Variants in KMT2C observed in about 807,000 individuals in gnomAD.
The protein encoded by KMT2C is histone-lysine N-methyltransferase 2C.
Under a neutral mutation model 507.9 loss-of-function variants are expected in KMT2C, and 88 were observed. That is an observed-to-expected ratio of 0.17 (90% CI 0.15 to 0.21). The LOEUF (loss-of-function observed/expected upper bound fraction) is 0.21, where lower values mean the gene tolerates loss of function less well. KMT2C is among the 10% of genes least tolerant of loss of function. The pLI, the probability that KMT2C is intolerant of heterozygous loss-of-function variation, is 1.00. For missense variants in KMT2C, 4,954 were observed against 5,957.8 expected, an observed-to-expected ratio of 0.83 and a Z score of 5.55; for synonymous variants, 2,049 against 2,080.8, an observed-to-expected ratio of 0.98 and a Z score of 0.42.
At chr7:152,141,345 G>A (rs1328748629) in intron 55 of KMT2C, among the ~76,000 whole-genome samples, 1 of 151,802 alleles carries the variant, frequency 6.6e-6, no homozygotes, top group Non-Finnish European at 1.5e-5. Flanking sequence ...ATAGATCCCT[G>A]CATGTATGAA....
intron 2 of KMT2C, among the ~76,000 whole-genome samples, chr7:152,356,614 G>A (rs1291386327): frequency 2.6e-5 from 4 of 151,164 alleles, no homozygotes; most frequent in South Asian, 2.1e-4. Context: ...AATCAGGCAC[G>A]GCGCGGTGAC....
At chr7:152,254,551 G>A (rs1175399497) in intron 9 of KMT2C, among the ~76,000 whole-genome samples, 2 of 152,102 alleles carry the variant, frequency 1.3e-5, no homozygotes, top group Non-Finnish European at 2.9e-5. Flanking sequence ...AATAACTCTT[G>A]AGAAAGTAAA....
chr7:152,387,166 A>G (rs1408174340), intron 1 of KMT2C, among the ~76,000 whole-genome samples: 3 of 151,986 alleles, frequency 2.0e-5, no homozygotes, highest in Non-Finnish European at 4.4e-5. Flanking sequence ...ACCCTAATAA[A>G]CAGCCATGTA....
chr7:152,179,835 T>C lies in KMT2C; in HGVS notation c.7441A>G (p.Arg2481Gly), dbSNP rs1166073894. ...TCGGCAGGAAATTAAAAGCATTACC[T>C]AAATCCATGAGGTCTCATCCCCATA... is the stretch of plus-strand genomic sequence containing the variant. ...ASMGMRPHGF[R>G]FGFPGGSHGT... The change falls in exon 37 of 59, where the codon AGA (arginine) becomes GGA (glycine). Residue 2481 changes from arginine to glycine, a missense_variant and splice_region_variant. This residue lies in a region of KMT2C where 1,689 missense variants were observed against 1,654.3 expected (regional missense o/e 1.02). Coordinates refer to ENST00000262189, the MANE Select transcript of KMT2C (RefSeq NM_170606.3). 5.6e-6 allele frequency: 9 copies of C among 1,613,008 alleles called. No individual in the cohort carries two copies. The highest frequency in any genetic ancestry group is 2.2e-5 in the East Asian group (1 of 44,884).
In KMT2C at chr7:152,155,898, A is replaced by T. The variant is rs2129099597; in HGVS notation, c.11960+12T>A. ...ATAACTAAGAATTATTTGAGAAAAA[A>T]ATAACCTGTACCTTAATTCTTCCTG... On this transcript the variant is annotated intron_variant, in intron 46 of 58. Transcript: ENST00000262189. 1 of 1,578,690 alleles carries T rather than the reference A, an allele frequency of 6.3e-7. No individual in the cohort carries two copies. Among genetic ancestry groups the T allele is most frequent in the Non-Finnish European group, 8.5e-7 (1 of 1,171,600 alleles).
Position 152,177,667 on chromosome 7 carries a change from G to C in KMT2C, c.7786C>G (p.Arg2596Gly), listed in dbSNP as rs769916428. 1.2e-6 allele frequency: 2 copies of C among 1,614,100 alleles called. No individual in the cohort carries two copies. The highest frequency in any genetic ancestry group is 1.7e-6 in the Non-Finnish European group (2 of 1,180,018). ...SNLRHGNFIP[R>G]PDFPGPRHTD... ...TGTCTAGGGCCCGGAAAGTCTGGCC[G>C]GGGAATGAAGTTTCCATGTCTCAGA... Residue 2596 changes from arginine (R) to glycine (G), a missense_variant, in exon 38 of 59, where the codon CGG (arginine) becomes GGG (glycine). Arg to Gly is a moderately radical substitution (Grantham distance 125). Transcript: ENST00000262189.
At chr7:152,201,617 G>GGA (rs1491277955) in intron 26 of KMT2C, among the ~76,000 whole-genome samples, 1,081 of 22,886 alleles carry the variant, frequency 0.047, 104 homozygotes, top group African/African-American at 0.085. Flanking sequence ...CAACAAAGAT[G>GGA]AAAAAAAAAA....
chr7:152,408,675 A>G (rs2097648437), intron 1 of KMT2C, among the ~76,000 whole-genome samples: 1 of 152,126 alleles, frequency 6.6e-6, no homozygotes, highest in South Asian at 2.1e-4. Flanking sequence ...ATGCCTGATG[A>G]TCTAAGGTGG....
At chr7:152,249,015 T>C (rs917273035) in intron 13 of KMT2C, among the ~76,000 whole-genome samples, 8 of 152,216 alleles carry the variant, frequency 5.3e-5, no homozygotes, top group Non-Finnish European at 8.8e-5. Flanking sequence ...AAAGTTACTA[T>C]AGACTCAAAA....
At chr7:152,333,711 A>G (rs527475810) in intron 2 of KMT2C, among the ~76,000 whole-genome samples, 26 of 152,336 alleles carry the variant, frequency 1.7e-4, no homozygotes, top group Admixed American at 5.9e-4. Context: ...AACAATTTGT[A>G]TAACTATTCT....
chr7:152,226,560 T>C (rs1011694062), intron 18 of KMT2C, among the ~76,000 whole-genome samples: 5 of 152,188 alleles, frequency 3.3e-5, no homozygotes, highest in Admixed American at 6.5e-5. Flanking sequence ...GTCATTTGAT[T>C]TTTAAACATG....
At position 152,181,066 on chromosome 7, in the gene KMT2C, A is replaced by C. The variant is rs2129119608; in HGVS notation, c.6794T>G (p.Leu2265Trp). ...QNRGPALPGP[L>W]VRPPDTCSQT... ...GGAACATGTATCAGGTGGCCTTACC[A>C]ACGGGCCAGGTAAAGCTGGTCCTCG... The change falls in exon 36 of 59, where the codon TTG becomes TGG. Residue 2265 changes from leucine to tryptophan, a missense_variant. Coordinates refer to ENST00000262189, the MANE Select transcript of KMT2C (RefSeq NM_170606.3). 4 of 1,614,188 alleles carry C rather than the reference A, an allele frequency of 2.5e-6. No individual in the cohort carries two copies. The highest frequency in any genetic ancestry group is 3.4e-6 in the Non-Finnish European group (4 of 1,180,036).
intron 42 of KMT2C, among the ~76,000 whole-genome samples, chr7:152,166,796 T>C (rs904454972): frequency 3.3e-5 from 5 of 152,198 alleles, no homozygotes; most frequent in Non-Finnish European, 5.9e-5. Context: ...CTCTCAATGA[T>C]GTATAACAGA....
At chr7:152,288,806 T>C (rs2096354390) in intron 6 of KMT2C, among the ~76,000 whole-genome samples, 1 of 152,136 alleles carries the variant, frequency 6.6e-6, no homozygotes, top group Non-Finnish European at 1.5e-5. Context: ...TGACACCTTA[T>C]CCACAGATGA....
intron 1 of KMT2C, among the ~76,000 whole-genome samples, chr7:152,392,331 C>T (rs2097505472): frequency 6.6e-6 from 1 of 152,100 alleles, no homozygotes; most frequent in African/African-American, 2.4e-5. Flanking sequence ...GTAAAGTTCT[C>T]CAAACTAAAA....
At chr7:152,169,055 A>T in intron 41 of KMT2C, 131 bp downstream of exon 41, 1 of 576,844 alleles carries the variant, frequency 1.7e-6, no homozygotes, top group Non-Finnish European at 3.1e-6. Flanking sequence ...TAGGGCAGTG[A>T]TGTTTAATAA....
chr7:152,414,841 ACTTT>A (rs926225173), intron 1 of KMT2C, among the ~76,000 whole-genome samples: 49 of 151,184 alleles, frequency 3.2e-4, no homozygotes, highest in African/African-American at 4.4e-4. Context: ...ACTTCTCAAT[ACTTT>A]CTTTCTTTTT....
chr7:152,203,628 C>T (rs1032455958), intron 25 of KMT2C, among the ~76,000 whole-genome samples: 1 of 152,026 alleles, frequency 6.6e-6, no homozygotes, highest in Non-Finnish European at 1.5e-5. Context: ...AATTTGGGGA[C>T]TATGAAACTA....
chr7:152,286,686 A>C (rs2096302896), intron 6 of KMT2C, among the ~76,000 whole-genome samples: 1 of 152,186 alleles, frequency 6.6e-6, no homozygotes, highest in African/African-American at 2.4e-5. Flanking sequence ...CGTGATACAT[A>C]AGACAAACAA....
Sources: gnomAD v4.1 joint callset for allele counts (sites outside exome capture counted in the v4.1 genomes callset) on GRCh38, gnomAD v4.1.1 for gene constraint, gnomAD v4.1.1 regional missense constraint, MANE v1.5 for transcripts, NCBI Gene and HGNC (gene_info 2026-07-23, HGNC 2026-07-21) for gene names.